CFAP20: variants seen among roughly 807,000 people sequenced by gnomAD.
The protein encoded by CFAP20 is cilia- and flagella-associated protein 20.
A neutral mutation model predicts 25.5 loss-of-function variants in CFAP20; 14 were observed. That is an observed-to-expected ratio of 0.55 (90% CI 0.36 to 0.86). CFAP20 has a LOEUF of 0.86. Among genes scored for constraint, CFAP20 ranks in the 40% least tolerant of loss-of-function variants. CFAP20 has a pLI of 0.01. For missense variants in CFAP20, 181 were observed against 248.0 expected (o/e 0.73, Z 1.81); for synonymous variants, 75 against 91.1 (o/e 0.82, Z 1.01).
chr16:58,115,199 C>A (rs144882399), intron 4 of CFAP20, 70 bp downstream of exon 4: 1 of 1,586,226 alleles, frequency 6.3e-7, no homozygotes, highest in Non-Finnish European at 8.6e-7. Flanking sequence ...GCTATGTGGG[C>A]CACAAGCCAA....
chr16:58,115,641 T>C (rs1452697906), intron 3 of CFAP20, 184 bp from the exon 4 acceptor site: 2 of 664,556 alleles, frequency 3.0e-6, no homozygotes, highest in Non-Finnish European at 5.1e-6. Context: ...AAGTTTATCT[T>C]GTTTGTTGCC....
At chr16:58,115,730 T>C in intron 3 of CFAP20, 1 of 540,756 alleles carries the variant, frequency 1.8e-6, no homozygotes, top group African/African-American at 1.9e-5. Flanking sequence ...GTTCTTCCTT[T>C]TGAAAAATCA....
At chr16:58,123,327 T>C (rs1013532280) in intron 1 of CFAP20, among the ~76,000 whole-genome samples, 174 of 135,632 alleles carry the variant, frequency 1.3e-3, no homozygotes, top group African/African-American at 4.1e-3. Context: ...CTGGGCGCAG[T>C]GGCTCACGCC....
intron 1 of CFAP20, among the ~76,000 whole-genome samples, chr16:58,121,134 G>A (rs770579204): frequency 1.2e-4 from 19 of 152,126 alleles, no homozygotes; most frequent in East Asian, 1.9e-4. Context: ...GGGGAGAGGC[G>A]ACAGGCAATT....
intron 1 of CFAP20, among the ~76,000 whole-genome samples, chr16:58,122,170 G>A (rs930108013): frequency 5.3e-5 from 8 of 152,228 alleles, no homozygotes; most frequent in Non-Finnish European, 1.2e-4. Flanking sequence ...TCCCTTCGCT[G>A]TACTTGACAG....
chr16:58,125,686 A>G (rs1960602348), intron 1 of CFAP20, among the ~76,000 whole-genome samples: 1 of 152,194 alleles, frequency 6.6e-6, no homozygotes, highest in Non-Finnish European at 1.5e-5. Flanking sequence ...TGTCTCAGAA[A>G]AATAAAATAC....
chr16:58,127,029 AG>A (rs1960623967), intron 1 of CFAP20, among the ~76,000 whole-genome samples: 1 of 152,184 alleles, frequency 6.6e-6, no homozygotes, highest in Non-Finnish European at 1.5e-5. Context: ...AGTGTTCTAA[AG>A]GTTTTGCCAA....
intron 1 of CFAP20, among the ~76,000 whole-genome samples, chr16:58,126,171 G>C (rs887530798): frequency 2.0e-5 from 3 of 152,132 alleles, no homozygotes; most frequent in South Asian, 4.1e-4. Flanking sequence ...TTTTCGGTAA[G>C]GTACTGTTCT....
At position 58,113,962 on chromosome 16, in the gene CFAP20, CAT is replaced by C. The variant is rs1960419451; in HGVS notation, c.*61_*62del. ...AAATATGTTTTTGCATCGTCCTCCA[CAT>C]AGTTTCCTTTTAAAAAGAAGAGTCA... On this transcript the variant is annotated 3_prime_UTR_variant, in exon 6 of 6. Coordinates refer to ENST00000262498, the MANE Select transcript of CFAP20 (RefSeq NM_013242.3). The C allele has an allele frequency of 3.2e-6, 5 of 1,552,536 alleles. No individual in the cohort carries two copies. The highest frequency in any genetic ancestry group is 3.3e-5 in the Admixed American group (2 of 59,876).
Position 58,129,372 on chromosome 16 carries a change from C to T in CFAP20, c.-257G>A, listed in dbSNP as rs1960680475. The T allele has an allele frequency of 8.4e-6, 4 of 473,898 alleles. No individual in the cohort carries two copies. In the South Asian group the frequency reaches 9.6e-5, roughly 11 times the overall value. 29.4% of individuals were successfully genotyped at this position (473,898 alleles called of 1,614,324 possible). ...TACCGTCCGCGCCGCGGTATTTCCC[C>T]GCCTTCAATGGAGGCGGAGGGCCGC... On this transcript the variant is annotated 5_prime_UTR_variant, in exon 1 of 6. Transcript: ENST00000262498.
Position 58,115,335 on chromosome 16 carries a change from C to A in CFAP20, c.399G>T (p.Gln133His). The A allele has an allele frequency of 6.2e-7, 1 of 1,614,234 alleles. No individual in the cohort carries two copies. Among genetic ancestry groups the A allele is most frequent in the South Asian group, 1.1e-5 (1 of 91,086 alleles). ...MRLDDGWNQIQFNLLDFTRRA... is the reference protein window; with the variant it reads ...MRLDDGWNQIHFNLLDFTRRA... ...GCCGTGTGAAGTCTAGCAAGTTGAA[C>A]TGAATCTGGTTCCAGCCGTCATCCA... is the stretch of plus-strand genomic sequence containing the variant. Residue 133 changes from glutamine to histidine, a missense_variant, in exon 4 of 6, where the codon CAG becomes CAT. By Grantham distance (24) the Gln-to-His change is conservative. Coordinates refer to ENST00000262498, the MANE Select transcript of CFAP20 (RefSeq NM_013242.3).
intron 1 of CFAP20, among the ~76,000 whole-genome samples, chr16:58,124,439 T>G (rs1407234592): frequency 1.3e-5 from 2 of 152,242 alleles, no homozygotes; most frequent in African/African-American, 2.4e-5. Context: ...CATTAGGCAG[T>G]TCCATGGCTG....
intron 1 of CFAP20, among the ~76,000 whole-genome samples, chr16:58,123,588 T>A (rs1331957514): frequency 1.2e-5 from 1 of 82,246 alleles, no homozygotes. Context: ...AGAGCAAGAC[T>A]CTGTCTCAAA....
At chr16:58,119,211 T>C (rs1356496996) in intron 1 of CFAP20, 1 of 152,270 alleles carries the variant, frequency 6.6e-6, no homozygotes, top group Non-Finnish European at 1.5e-5. Context: ...TGACATCTGA[T>C]GTCACTGCCC....
At chr16:58,124,529 C>T (rs143953552) in intron 1 of CFAP20, among the ~76,000 whole-genome samples, 63 of 152,294 alleles carry the variant, frequency 4.1e-4, no homozygotes, top group African/African-American at 1.4e-3. Flanking sequence ...TAGCCTATTG[C>T]CCCTAGGCTA....
intron 1 of CFAP20, among the ~76,000 whole-genome samples, chr16:58,126,645 T>TC (rs773474389): frequency 1.3e-5 from 2 of 152,208 alleles, no homozygotes; most frequent in African/African-American, 2.4e-5. Flanking sequence ...AGTCCTCACC[T>TC]CCCCACAAAC....
intron 1 of CFAP20, 125 bp from the exon 2 acceptor site, chr16:58,117,076 T>C (rs956789773): frequency 5.2e-6 from 4 of 763,814 alleles, no homozygotes; most frequent in South Asian, 5.2e-5. Context: ...CTGAAGCTTA[T>C]ATGTAAGTAA....
chr16:58,119,153 T>C (rs1054013641), intron 1 of CFAP20: 5 of 152,218 alleles, frequency 3.3e-5, no homozygotes, highest in African/African-American at 1.2e-4. Flanking sequence ...CTGTGAGCTC[T>C]GTCACTGTGA....
At chr16:58,119,342 A>G (rs1960501598) in intron 1 of CFAP20, 1 of 152,274 alleles carries the variant, frequency 6.6e-6, no homozygotes, top group South Asian at 2.1e-4. Flanking sequence ...AGTGCTAGCC[A>G]TAAACTAAGC....
Sources: allele counts gnomAD v4.1 joint callset (sites outside exome capture counted in the v4.1 genomes callset), GRCh38; gene constraint gnomAD v4.1.1; transcripts MANE v1.5; gene names NCBI Gene and HGNC (gene_info 2026-07-23, HGNC 2026-07-21).